The following ZC2HC1B variants were observed in gnomAD, a reference collection of about 807,000 sequenced individuals.
The protein encoded by ZC2HC1B is zinc finger C2HC-type containing 1B.
A neutral mutation model predicts 31.0 loss-of-function variants in ZC2HC1B; 36 were observed. The ratio of observed to expected loss-of-function variants is 1.16; its 90% CI spans 0.89 to 1.54. ZC2HC1B has a LOEUF of 1.54. Ranked by LOEUF, ZC2HC1B falls within the 40% of genes most tolerant of loss-of-function variation. The pLI, the probability that ZC2HC1B is intolerant of heterozygous loss-of-function variation, is 0.00. For synonymous variants in ZC2HC1B, 73 were observed against 88.0 expected, an observed-to-expected ratio of 0.83 and a Z score of 0.95; for missense variants, 260 against 268.6, an observed-to-expected ratio of 0.97 and a Z score of 0.22.
intron 5 of ZC2HC1B, among the ~76,000 whole-genome samples, chr6:143,900,109 G>A (rs777573218): frequency 3.3e-5 from 5 of 152,184 alleles, no homozygotes; most frequent in Admixed American, 1.3e-4. Flanking sequence ...GGTACAGGGT[G>A]CTGGGTGTGG....
At chr6:143,892,987 G>C (rs916029740) in intron 4 of ZC2HC1B, among the ~76,000 whole-genome samples, 1 of 144,832 alleles carries the variant, frequency 6.9e-6, no homozygotes. Flanking sequence ...CTGGTCTGAA[G>C]AAATGATGAA....
rs959076918 is a variant in ZC2HC1B, at chr6:143,899,303, A to G, written c.489+612A>G. ...CTCAGGTACATACTTACAATATAGC[A>G]TAAAAACTATTAGTTTCATAGACGT... On this transcript the variant is annotated intron_variant, in intron 5 of 7. Transcript: ENST00000237275. This position sits in a 1 kb window ranked among gnomAD's most constrained non-coding sequence, Gnocchi z 5.0. Among the ~76,000 whole-genome samples, 4 of 152,246 alleles carry G rather than the reference A, an allele frequency of 2.6e-5. No individual in the cohort carries two copies. The highest frequency in any genetic ancestry group is 4.4e-5 in the Non-Finnish European group (3 of 68,042).
At position 143,922,466 on chromosome 6, in the gene ZC2HC1B, C is replaced by A. The variant is rs1356321315; in HGVS notation, c.599-15183C>A. Among the ~76,000 whole-genome samples, 1 of 152,164 alleles carries A rather than the reference C, an allele frequency of 6.6e-6. No homozygotes were observed. Among genetic ancestry groups the A allele is most frequent in the Non-Finnish European group, 1.5e-5 (1 of 68,018 alleles). On this transcript the variant is annotated intron_variant, in intron 6 of 7. Coordinates refer to ENST00000237275, the MANE Select transcript of ZC2HC1B (RefSeq NM_001013623.3). This position sits in a 1 kb window ranked among gnomAD's most constrained non-coding sequence, Gnocchi z 5.0. The stretch of plus-strand genomic sequence containing the variant: ...CGTACCTACTAACCAACCTCTCCAC[C>A]AGCACCCTGCCACACACATACCCTT...
At chr6:143,894,693 T>C (rs1037243447) in intron 4 of ZC2HC1B, among the ~76,000 whole-genome samples, 10 of 152,256 alleles carry the variant, frequency 6.6e-5, no homozygotes, top group African/African-American at 2.4e-4. Context: ...TTAGTAATAA[T>C]GTAAGTACTT....
intron 4 of ZC2HC1B, among the ~76,000 whole-genome samples, chr6:143,889,484 G>T (rs1777571361): frequency 6.6e-6 from 1 of 151,956 alleles, no homozygotes; most frequent in Non-Finnish European, 1.5e-5. Context: ...ACAAATAAGA[G>T]CACGGGAAAA....
intron 1 of ZC2HC1B, among the ~76,000 whole-genome samples, chr6:143,879,247 C>T (rs1413412686): frequency 6.6e-6 from 1 of 152,166 alleles, no homozygotes; most frequent in Non-Finnish European, 1.5e-5. Flanking sequence ...TGCTTTAAGT[C>T]CTCCAAGTCA....
At chr6:143,894,617 A>T (rs1379519691) in intron 4 of ZC2HC1B, among the ~76,000 whole-genome samples, 19 of 152,250 alleles carry the variant, frequency 1.2e-4, no homozygotes, top group Non-Finnish European at 1.5e-5. Context: ...TTGAGTGCTA[A>T]TGAAAATATA....
chr6:143,914,260 A>G (rs935234609), intron 6 of ZC2HC1B, among the ~76,000 whole-genome samples: 1 of 152,008 alleles, frequency 6.6e-6, no homozygotes, highest in South Asian at 2.1e-4. Context: ...TCTAAGTCCC[A>G]TAAGTTTCAG....
chr6:143,872,374 A>G lies in ZC2HC1B; in HGVS notation c.28+7807A>G, dbSNP rs1010614139. Among the ~76,000 whole-genome samples the G allele has an allele frequency of 3.9e-5, 6 of 152,224 alleles. No individual in the cohort carries two copies. Among genetic ancestry groups the G allele is most frequent in the Non-Finnish European group, 8.8e-5 (6 of 68,036 alleles). ...CAGTTTCACTTCTAGAAACACTGTGATTAGTCAGTGCCAGAGCTCTATATG... is the reference window on the plus strand; with the variant it reads ...CAGTTTCACTTCTAGAAACACTGTGGTTAGTCAGTGCCAGAGCTCTATATG... On this transcript the variant is annotated intron_variant, in intron 1 of 7. Transcript: ENST00000237275. The surrounding 1 kb of genome is among the most constrained non-coding windows in gnomAD (Gnocchi z 5.5).
Position 143,903,504 on chromosome 6 carries a change from A to G in ZC2HC1B, c.598+352A>G, listed in dbSNP as rs2128495286. Among the ~76,000 whole-genome samples the G allele has an allele frequency of 6.6e-6, 1 of 152,352 alleles. No homozygotes were observed. The highest frequency in any genetic ancestry group is 1.5e-5 in the Non-Finnish European group (1 of 68,040). ...AAGTTTCTTTTCTAGAAATAAATAC[A>G]GATCCTCCTCAATTTATGATGGGGC... On this transcript the variant is annotated intron_variant, in intron 6 of 7. Coordinates refer to ENST00000237275, the MANE Select transcript of ZC2HC1B (RefSeq NM_001013623.3). The surrounding 1 kb of genome is among the most constrained non-coding windows in gnomAD (Gnocchi z 4.3).
intron 1 of ZC2HC1B, among the ~76,000 whole-genome samples, chr6:143,875,644 C>T (rs187660656): frequency 1.1e-4 from 16 of 150,704 alleles, no homozygotes; most frequent in Non-Finnish European, 2.2e-4. Flanking sequence ...CAATTCTTTT[C>T]GAGTGTATCG....
chr6:143,926,242 TG>T (rs1460660204), intron 6 of ZC2HC1B, among the ~76,000 whole-genome samples: 1 of 152,208 alleles, frequency 6.6e-6, no homozygotes. Flanking sequence ...TTCTACTTCT[TG>T]ATATACGCAT....
rs9496785 is a variant in ZC2HC1B, at chr6:143,868,581, C to T, written c.28+4014C>T. 0.29 allele frequency among the ~76,000 whole-genome samples: 43,969 copies of T among 151,926 alleles called. 6,564 individuals carry two copies. Among genetic ancestry groups the T allele is most frequent in the East Asian group, 0.53 (2,727 of 5,168 alleles). ...AGCCCACTAACTCAAATGTTAATCTCCTCTGGTAACACCCTCTCAGACACA... is the reference window on the plus strand; with the variant it reads ...AGCCCACTAACTCAAATGTTAATCTTCTCTGGTAACACCCTCTCAGACACA... On this transcript the variant is annotated intron_variant, in intron 1 of 7. Coordinates refer to ENST00000237275, the MANE Select transcript of ZC2HC1B (RefSeq NM_001013623.3). The surrounding 1 kb of genome is among the most constrained non-coding windows in gnomAD (Gnocchi z 4.2).
chr6:143,931,033 C>T (rs1256164180), intron 6 of ZC2HC1B, among the ~76,000 whole-genome samples: 1 of 152,154 alleles, frequency 6.6e-6, no homozygotes, highest in African/African-American at 2.4e-5. Context: ...TTCCATTGGA[C>T]TGGTCCTTGT....
chr6:143,935,062 A>G (rs1423750769), intron 6 of ZC2HC1B, among the ~76,000 whole-genome samples: 1 of 152,094 alleles, frequency 6.6e-6, no homozygotes, highest in Non-Finnish European at 1.5e-5. Flanking sequence ...ATAGGGTACT[A>G]GTGGTGGCAG....
intron 6 of ZC2HC1B, 136 bp from the exon 7 acceptor site, chr6:143,937,513 C>A (rs1884088): frequency 0.64 from 337,275 of 524,470 alleles, 119,212 homozygotes; most frequent in African/African-American, 0.85. Context: ...CCCTCCCCAC[C>A]ACACTCCCCC....
In ZC2HC1B at chr6:143,923,087, T is replaced by C. The variant is rs1404986435; in HGVS notation, c.599-14562T>C. Among the ~76,000 whole-genome samples the C allele has an allele frequency of 6.6e-6, 1 of 152,202 alleles. No individual in the cohort carries two copies. Among genetic ancestry groups the C allele is most frequent in the Non-Finnish European group, 1.5e-5 (1 of 68,020 alleles). ...AGATTTTGTCTCATTGCGTCTTGGA[T>C]TGGCATTTCCCTGATAATTAATTAT... On this transcript the variant is annotated intron_variant, in intron 6 of 7. Coordinates refer to ENST00000237275, the MANE Select transcript of ZC2HC1B (RefSeq NM_001013623.3). This position sits in a 1 kb window ranked among gnomAD's most constrained non-coding sequence, Gnocchi z 4.8.
At position 143,908,214 on chromosome 6, in the gene ZC2HC1B, G is replaced by T. The variant is rs192868692; in HGVS notation, c.598+5062G>T. 4.1e-4 allele frequency among the ~76,000 whole-genome samples: 63 copies of T among 152,072 alleles called. No individual in the cohort carries two copies. The highest frequency in any genetic ancestry group is 1.5e-3 in the African/African-American group (63 of 41,498). On this transcript the variant is annotated intron_variant, in intron 6 of 7. Coordinates refer to ENST00000237275, the MANE Select transcript of ZC2HC1B (RefSeq NM_001013623.3). This position sits in a 1 kb window ranked among gnomAD's most constrained non-coding sequence, Gnocchi z 4.4. ...TAGTTTGAAGTTGGGTAGCGTGATG[G>T]CTCCAGCTTTGTTCTTTTTGCTTAG...
chr6:143,892,834 T>C (rs1777617113), intron 4 of ZC2HC1B, among the ~76,000 whole-genome samples: 1 of 152,110 alleles, frequency 6.6e-6, no homozygotes, highest in Non-Finnish European at 1.5e-5. Flanking sequence ...ATTGACCTAA[T>C]ATAATTGTTA....
Sources: allele counts gnomAD v4.1 joint callset (sites outside exome capture counted in the v4.1 genomes callset), GRCh38; gene constraint gnomAD v4.1.1; non-coding constraint Gnocchi (gnomAD v3.1); transcripts MANE v1.5; gene names NCBI Gene and HGNC (gene_info 2026-07-23, HGNC 2026-07-21).